CPED1: variants seen among roughly 807,000 people sequenced by gnomAD.
CPED1 encodes cadherin-like and PC-esterase domain-containing protein 1.
CPED1 carries 114 observed loss-of-function variants against 128.2 expected under a neutral mutation model. That is an observed-to-expected ratio of 0.89 (90% CI 0.76 to 1.04). CPED1 has a LOEUF of 1.04. CPED1 is among the 50% of genes least tolerant of loss of function. The pLI is 0.00. For synonymous variants in CPED1, 462 were observed against 426.7 expected, an observed-to-expected ratio of 1.08 and a Z score of -1.02; for missense variants, 1,211 against 1,207.1, an observed-to-expected ratio of 1.00 and a Z score of -0.05.
chr7:121,244,023 T>C (rs1562847423), intron 17 of CPED1, among the ~76,000 whole-genome samples, 179 bp from the exon 18 acceptor site: 1 of 152,226 alleles, frequency 6.6e-6, no homozygotes. Flanking sequence ...GAACATTACT[T>C]AATGTTGCTA....
intron 7 of CPED1, among the ~76,000 whole-genome samples, chr7:121,104,556 G>A (rs1452192029): frequency 1.3e-5 from 2 of 152,036 alleles, no homozygotes; most frequent in Admixed American, 6.6e-5. Context: ...AAAATGTATC[G>A]CTGAAGAGAT....
intron 6 of CPED1, among the ~76,000 whole-genome samples, chr7:121,098,655 C>T (rs1251329428): frequency 6.7e-6 from 1 of 150,104 alleles, no homozygotes; most frequent in African/African-American, 2.4e-5. Context: ...CCAACTGAGC[C>T]CTCGAAGTGG....
At chr7:121,249,093 C>T (rs914533180) in intron 18 of CPED1, among the ~76,000 whole-genome samples, 5 of 151,988 alleles carry the variant, frequency 3.3e-5, no homozygotes, top group African/African-American at 1.2e-4. Flanking sequence ...AACTCAAAAA[C>T]GGGTTCTTTG....
At position 121,118,916 on chromosome 7, in the gene CPED1, G is replaced by A. The variant is rs139151327; in HGVS notation, c.919-5415G>A. On this transcript the variant is annotated intron_variant, in intron 7 of 22. Transcript: ENST00000310396. Reference sequence around the variant, plus strand: ...AACAGCACCAAGCCACGAGGGATCCGCCCCCATGACCCAAACACTTCTCAA... The same window carrying A: ...AACAGCACCAAGCCACGAGGGATCCACCCCCATGACCCAAACACTTCTCAA... Among the ~76,000 whole-genome samples the A allele has an allele frequency of 5.6e-3, 852 of 152,158 alleles. 7 individuals are homozygous for A. Among genetic ancestry groups the A allele is most frequent in the African/African-American group, 0.019 (785 of 41,504 alleles).
chr7:121,037,137 G>A (rs1162729002), intron 3 of CPED1, among the ~76,000 whole-genome samples: 1 of 152,076 alleles, frequency 6.6e-6, no homozygotes, highest in African/African-American at 2.4e-5. Context: ...AAGCTTTTTA[G>A]TTTAATTAAG....
intron 16 of CPED1, among the ~76,000 whole-genome samples, chr7:121,176,729 A>C (rs1465707101): frequency 1.3e-5 from 2 of 152,112 alleles, no homozygotes; most frequent in East Asian, 3.8e-4. Flanking sequence ...GTTTAGAAAG[A>C]AAATTGCTAC....
intron 22 of CPED1, among the ~76,000 whole-genome samples, chr7:121,278,862 A>C (rs1792380661): frequency 6.6e-6 from 1 of 152,154 alleles, no homozygotes; most frequent in Admixed American, 6.5e-5. Context: ...AACTACTATT[A>C]TGACTCCATA....
Position 121,224,584 on chromosome 7 carries a change from A to G in CPED1, c.2056-12130A>G, listed in dbSNP as rs1797957289. ...TATTAAAGTCTCCCATTATAATGGT[A>G]TGGAAATCTAAGTCTCTTTGTAGGT... On this transcript the variant is annotated intron_variant, in intron 16 of 22. Transcript: ENST00000310396. Among the ~76,000 whole-genome samples the G allele has an allele frequency of 2.0e-5, 3 of 152,086 alleles. No individual in the cohort carries two copies. The South Asian group carries it at 6.2e-4, about 32-fold the overall frequency.
intron 18 of CPED1, among the ~76,000 whole-genome samples, chr7:121,244,977 G>C (rs1214244798): frequency 4.6e-5 from 7 of 152,038 alleles, no homozygotes; most frequent in African/African-American, 1.7e-4. Context: ...ATGCAAAATG[G>C]GCACATAGAC....
intron 16 of CPED1, among the ~76,000 whole-genome samples, chr7:121,147,037 C>A (rs1796038850): frequency 6.6e-6 from 1 of 152,066 alleles, no homozygotes; most frequent in African/African-American, 2.4e-5. Flanking sequence ...GATGTGTCAA[C>A]CAAAACTGTC....
At chr7:121,237,285 C>T (rs116850106) in intron 17 of CPED1, among the ~76,000 whole-genome samples, 2,362 of 152,236 alleles carry the variant, frequency 0.016, 30 homozygotes, top group Middle Eastern at 0.068. Context: ...ATTCATTTGG[C>T]ACCATAATTT....
intron 5 of CPED1, 143 bp downstream of exon 5, chr7:121,064,456 A>G (rs1428072926): frequency 3.3e-6 from 2 of 600,154 alleles, no homozygotes; most frequent in Non-Finnish European, 6.0e-6. Context: ...GCAGTTCACA[A>G]CGCTTTGCCA....
chr7:121,095,966 CT>C (rs1428759427), intron 5 of CPED1, among the ~76,000 whole-genome samples: 4 of 152,080 alleles, frequency 2.6e-5, no homozygotes, highest in Non-Finnish European at 5.9e-5. Context: ...AGAAACAAAA[CT>C]TGTCCTAGTA....
rs759582982 is a variant in CPED1, at chr7:121,097,795, G to A, written c.713G>A (p.Arg238His). ...SSHLLKTVKP[R>H]VWKPGDWSRE... ...CACCTTTTAAAAACAGTGAAGCCAC[G>A]TGTGTGGAAACCAGGGGACTGGAGT... is the stretch of plus-strand genomic sequence containing the variant. Residue 238 changes from arginine (R) to histidine (H), a missense_variant, in exon 6 of 23, where the codon CGT (arginine) becomes CAT (histidine). Physicochemically the swap from Arg to His is conservative, Grantham distance 29. Coordinates refer to ENST00000310396, the MANE Select transcript of CPED1 (RefSeq NM_024913.5). The A allele has an allele frequency of 7.4e-6, 12 of 1,613,708 alleles. No individual in the cohort carries two copies. The highest frequency in any genetic ancestry group is 3.3e-5 in the Admixed American group (2 of 59,966).
In CPED1 at chr7:121,250,632, G is replaced by C. The variant is rs182441012; in HGVS notation, c.2310+6294G>C. 5.3e-5 allele frequency among the ~76,000 whole-genome samples: 8 copies of C among 152,134 alleles called. No individual in the cohort carries two copies. In the East Asian group the frequency reaches 1.5e-3, roughly 29 times the overall value. On this transcript the variant is annotated intron_variant, in intron 18 of 22. Coordinates refer to ENST00000310396, the MANE Select transcript of CPED1 (RefSeq NM_024913.5). The stretch of plus-strand genomic sequence containing the variant: ...TAGATGCAATAAAAAATGACAAACG[G>C]GATATCACCATCGATCCCACAGAAA...
At chr7:121,100,276 C>A (rs1162867522) in intron 7 of CPED1, among the ~76,000 whole-genome samples, 182 bp downstream of exon 7, 6 of 152,150 alleles carry the variant, frequency 3.9e-5, no homozygotes, top group Non-Finnish European at 7.3e-5. Context: ...GAACTGGAAG[C>A]AGCTTAATTC....
intron 16 of CPED1, among the ~76,000 whole-genome samples, chr7:121,206,627 A>G (rs1699813453): frequency 6.6e-6 from 1 of 152,028 alleles, no homozygotes; most frequent in Non-Finnish European, 1.5e-5. Context: ...ATATTTACCA[A>G]GAAATGATAC....
At chr7:121,254,675 C>T (rs560402272) in intron 18 of CPED1, among the ~76,000 whole-genome samples, 1 of 151,518 alleles carries the variant, frequency 6.6e-6, no homozygotes, top group Non-Finnish European at 1.5e-5. Context: ...TTAACAACAA[C>T]AAAAAAGAGA....
intron 16 of CPED1, chr7:121,149,498 C>T (rs1445447976): frequency 6.6e-6 from 1 of 152,186 alleles, no homozygotes; most frequent in Non-Finnish European, 1.5e-5. Flanking sequence ...TTGCTCCACA[C>T]ATTTGTTTTG....
Sources: allele counts gnomAD v4.1 joint callset (sites outside exome capture counted in the v4.1 genomes callset), GRCh38; gene constraint gnomAD v4.1.1; transcripts MANE v1.5; gene names NCBI Gene and HGNC (gene_info 2026-07-23, HGNC 2026-07-21).